MAGI1: variants seen among roughly 807,000 people sequenced by gnomAD.
MAGI1 encodes the protein membrane-associated guanylate kinase, WW and PDZ domain-containing protein 1.
In MAGI1, 58 loss-of-function variants were observed where a neutral mutation model predicts 139.9. The observed-to-expected ratio is 0.41, with a 90% CI of 0.34 to 0.52. The LOEUF is 0.52. MAGI1 is among the 20% of genes least tolerant of loss of function. The pLI, the probability that MAGI1 is intolerant of heterozygous loss-of-function variation, is 0.12. For synonymous variants in MAGI1, 812 were observed against 737.9 expected, an observed-to-expected ratio of 1.10 and a Z score of -1.63; for missense variants, 1,874 against 1,901.6, an observed-to-expected ratio of 0.99 and a Z score of 0.27.
intron 14 of MAGI1, chr3:65,387,056 G>A (rs1223396704): frequency 2.5e-6 from 3 of 1,214,206 alleles, no homozygotes; most frequent in African/African-American, 3.0e-5. Context: ...TCTCTTTTCT[G>A]AACTTCTCCC....
rs750145909 is a variant in MAGI1, at chr3:65,453,312, C to A, written c.988G>T (p.Asp330Tyr). ...DHNTKTTSWL[D>Y]PRCLNKQQKP... ...TGCTGCTTGTTTAGGCACCGAGGGTCTAACCAAGATGTTGTTTTCGTGTTA... is the reference window on the plus strand; with the variant it reads ...TGCTGCTTGTTTAGGCACCGAGGGTATAACCAAGATGTTGTTTTCGTGTTA... Residue 330 changes from aspartate (D) to tyrosine (Y), a missense_variant, in exon 6 of 23, where the codon GAC becomes TAC. Asp to Tyr is a radical substitution (Grantham distance 160). Coordinates refer to ENST00000402939, the MANE Select transcript of MAGI1 (RefSeq NM_001033057.2). The A allele has an allele frequency of 3.4e-5, 54 of 1,607,964 alleles. No homozygotes were observed. The highest frequency in any genetic ancestry group is 4.2e-5 in the Non-Finnish European group (49 of 1,177,730).
chr3:65,676,241 A>C (rs2087182161), intron 1 of MAGI1, among the ~76,000 whole-genome samples: 1 of 152,202 alleles, frequency 6.6e-6, no homozygotes, highest in Non-Finnish European at 1.5e-5. Context: ...ACGCACTCAC[A>C]CATGACAATG....
chr3:65,380,235 C>T (rs1376826822), intron 16 of MAGI1, among the ~76,000 whole-genome samples: 6 of 152,204 alleles, frequency 3.9e-5, no homozygotes, highest in Non-Finnish European at 7.3e-5. Flanking sequence ...CCTAAATAGC[C>T]AACACCGTAG....
intron 1 of MAGI1, among the ~76,000 whole-genome samples, chr3:65,822,595 A>G (rs578049303): frequency 1.3e-5 from 2 of 152,250 alleles, no homozygotes. Context: ...TTATAAAGAA[A>G]AGGCGTTTAA....
At chr3:65,527,482 T>G (rs747931867) in intron 2 of MAGI1, among the ~76,000 whole-genome samples, 12 of 152,026 alleles carry the variant, frequency 7.9e-5, no homozygotes, top group Non-Finnish European at 1.6e-4. Context: ...TCCCAGCACT[T>G]TGGGAGGCCA....
chr3:65,390,803 G>A (rs74738799), intron 14 of MAGI1, among the ~76,000 whole-genome samples: 1 of 152,210 alleles, frequency 6.6e-6, no homozygotes, highest in Non-Finnish European at 1.5e-5. Flanking sequence ...TTGCATATCA[G>A]ATTTGTGCTC....
intron 2 of MAGI1, among the ~76,000 whole-genome samples, chr3:65,516,178 C>A (rs2077866831): frequency 6.6e-6 from 1 of 151,332 alleles, no homozygotes; most frequent in Admixed American, 6.6e-5. Flanking sequence ...CTGTCTCCCT[C>A]TCTCTCTCTC....
intron 2 of MAGI1, among the ~76,000 whole-genome samples, chr3:65,507,921 A>G (rs2077366499): frequency 6.6e-6 from 1 of 152,028 alleles, no homozygotes; most frequent in Non-Finnish European, 1.5e-5. Flanking sequence ...ACAGCAACAT[A>G]AAAAACCCAA....
At position 65,356,665 on chromosome 3, in the gene MAGI1, T is replaced by C. The variant is rs1575587956; in HGVS notation, c.4102A>G (p.Ser1368Gly). ...CTCTCCAGAGACCGTCTCCGCCGGC[T>C]GGGGGAGCCGTCTCTCCTGCGGGTG... Reference protein sequence around the residue: ...SPTRRRDGSPSRRRRSLERLL... With the variant: ...SPTRRRDGSPGRRRRSLERLL... Residue 1368 changes from serine (S) to glycine (G), a missense_variant, in exon 23 of 23, where the codon AGC becomes GGC. Coordinates refer to ENST00000402939, the MANE Select transcript of MAGI1 (RefSeq NM_001033057.2). 1.3e-6 allele frequency: 2 copies of C among 1,584,056 alleles called. No individual in the cohort carries two copies. Among genetic ancestry groups the C allele is most frequent in the African/African-American group, 1.4e-5 (1 of 73,776 alleles).
intron 1 of MAGI1, among the ~76,000 whole-genome samples, chr3:65,991,832 T>A (rs1486493665): frequency 6.6e-6 from 1 of 151,940 alleles, no homozygotes; most frequent in African/African-American, 2.4e-5. Context: ...CTGGCCAACA[T>A]GGTGAAACCC....
chr3:65,946,104 C>G (rs1430532958), intron 1 of MAGI1, among the ~76,000 whole-genome samples: 2 of 152,214 alleles, frequency 1.3e-5, no homozygotes, highest in Non-Finnish European at 2.9e-5. Flanking sequence ...CCGCCTACAG[C>G]ATGGACACTG....
chr3:65,430,624 A>G (rs888795428), intron 11 of MAGI1, 75 bp downstream of exon 11: 3 of 1,492,348 alleles, frequency 2.0e-6, no homozygotes, highest in Non-Finnish European at 2.7e-6. Flanking sequence ...AACAAACAAC[A>G]TCATGATTGC....
intron 5 of MAGI1, among the ~76,000 whole-genome samples, chr3:65,456,513 CA>C (rs897235596): frequency 5.3e-5 from 8 of 151,994 alleles, no homozygotes; most frequent in Non-Finnish European, 1.0e-4. Flanking sequence ...TTCCACAAAT[CA>C]AAAAATTTTC....
At chr3:65,504,578 G>A (rs193115824) in intron 2 of MAGI1, among the ~76,000 whole-genome samples, 31 of 152,266 alleles carry the variant, frequency 2.0e-4, no homozygotes, top group African/African-American at 4.3e-4. Context: ...TAAACTAGTG[G>A]AGGAGCGAGG....
intron 1 of MAGI1, among the ~76,000 whole-genome samples, chr3:65,981,675 G>A (rs1418555331): frequency 6.6e-6 from 1 of 152,176 alleles, no homozygotes; most frequent in African/African-American, 2.4e-5. Context: ...AATCATGGGG[G>A]TGGTTTCCCC....
chr3:65,776,977 C>T (rs1258676528), intron 1 of MAGI1, among the ~76,000 whole-genome samples: 6 of 152,188 alleles, frequency 3.9e-5, no homozygotes. Flanking sequence ...CCTCTCCTTG[C>T]TTTCATCTTT....
At position 65,929,152 on chromosome 3, in the gene MAGI1, G is replaced by A. The variant is rs200947755; in HGVS notation, c.313+108844C>T. Among the ~76,000 whole-genome samples the A allele has an allele frequency of 5.1e-3, 471 of 93,132 alleles. 6 individuals carry two copies. In the East Asian group the frequency reaches 0.064, roughly 13 times the overall value. The allele number at this position is 93,132 out of a possible 152,430, so 61.1% of individuals were successfully genotyped here. On this transcript the variant is annotated intron_variant, in intron 1 of 22. Coordinates refer to ENST00000402939, the MANE Select transcript of MAGI1 (RefSeq NM_001033057.2). ...CTGAGTGACAAAGGGAGACAATGCC[G>A]CAAAAAAAAAGAAAAAAGAAAAAAA...
Position 65,429,693 on chromosome 3 carries a change from C to T in MAGI1, c.1994G>A (p.Gly665Asp). 6.2e-7 allele frequency: 1 copy of T among 1,613,886 alleles called. No individual in the cohort carries two copies. The highest frequency in any genetic ancestry group is 8.5e-7 in the Non-Finnish European group (1 of 1,179,932). Residue 665 changes from glycine (G) to aspartate (D), a missense_variant, in exon 12 of 23, where the codon GGC becomes GAC. Coordinates refer to ENST00000402939, the MANE Select transcript of MAGI1 (RefSeq NM_001033057.2). ...FTIADSPGGGGQRVKQIVDSP... is the reference protein window; with the variant it reads ...FTIADSPGGGDQRVKQIVDSP... ...GTCAACAATCTGTTTCACTCTTTGG[C>T]CACCCCCACCAGGACTGTCTGCGAT...
chr3:65,584,085 T>TG (rs1448985890), intron 2 of MAGI1, among the ~76,000 whole-genome samples: 8 of 63,548 alleles, frequency 1.3e-4, no homozygotes, highest in African/African-American at 3.0e-4. Flanking sequence ...AATCTACTCT[T>TG]GAAAAAAAAA....
Sources: gnomAD v4.1 joint callset for allele counts (sites outside exome capture counted in the v4.1 genomes callset) on GRCh38, gnomAD v4.1.1 for gene constraint, MANE v1.5 for transcripts, NCBI Gene and HGNC (gene_info 2026-07-23, HGNC 2026-07-21) for gene names.